Variants in PCCA observed in about 807,000 individuals in gnomAD.
PCCA encodes the protein propionyl-CoA carboxylase alpha chain, mitochondrial.
PCCA carries 74 observed loss-of-function variants against 101.3 expected under a neutral mutation model. The ratio of observed to expected loss-of-function variants is 0.73; its 90% confidence interval spans 0.61 to 0.89. PCCA has a LOEUF of 0.89. PCCA is among the 40% of genes least tolerant of loss of function. PCCA has a pLI of 0.00. For missense variants in PCCA, 891 were observed against 907.0 expected (o/e 0.98, Z 0.23); for synonymous variants, 294 against 313.6 (o/e 0.94, Z 0.66).
chr13:100,137,980 G>A (rs1271443109), intron 4 of PCCA, among the ~76,000 whole-genome samples: 1 of 151,498 alleles, frequency 6.6e-6, no homozygotes, highest in African/African-American at 2.4e-5. Flanking sequence ...GTGGAGTCGT[G>A]GTCTCCCTAT....
chr13:100,458,419 GCGCGCACACACACACACACATA>G (rs1280346109), intron 21 of PCCA, among the ~76,000 whole-genome samples: 3,867 of 113,394 alleles, frequency 0.034, 150 homozygotes, highest in African/African-American at 0.089. Context: ...CCCCATCTCT[GCGCGCACACACACACACACATA>G]CACACACACA....
chr13:100,280,857 T>G (rs2064050437), intron 12 of PCCA, among the ~76,000 whole-genome samples: 1 of 152,144 alleles, frequency 6.6e-6, no homozygotes, highest in African/African-American at 2.4e-5. Flanking sequence ...GATCCTCTCT[T>G]TGTCTGGCAT....
In PCCA at chr13:100,328,612, G is replaced by A. The variant is rs1317830380; in HGVS notation, c.1430-1949G>A. On this transcript the variant is annotated intron_variant, in intron 16 of 23. Coordinates refer to ENST00000376285, the MANE Select transcript of PCCA (RefSeq NM_000282.4). ...GATTTTTTCCTCCATATTTTCTACT[G>A]TAGTTATGAAAATAGGTTTGTGATT... Among the ~76,000 whole-genome samples, 3 of 148,500 alleles carry A rather than the reference G, an allele frequency of 2.0e-5. No homozygotes were observed. In the South Asian group the frequency reaches 6.4e-4, roughly 32 times the overall value.
intron 21 of PCCA, among the ~76,000 whole-genome samples, chr13:100,496,642 C>A (rs1417109005): frequency 6.6e-6 from 1 of 152,054 alleles, no homozygotes; most frequent in East Asian, 1.9e-4. Context: ...TTACTACTTT[C>A]CTTTTTCCAT....
At chr13:100,530,032 T>C in intron 23 of PCCA, 66 bp from the exon 24 acceptor site, 1 of 1,238,314 alleles carries the variant, frequency 8.1e-7, no homozygotes, top group Non-Finnish European at 1.2e-6. Flanking sequence ...ATTAGGAGCC[T>C]GCCGCCTCTT....
At chr13:100,337,795 A>G (rs943466486) in intron 17 of PCCA, among the ~76,000 whole-genome samples, 1 of 152,212 alleles carries the variant, frequency 6.6e-6, no homozygotes, top group African/African-American at 2.4e-5. Context: ...TGCTGATGGT[A>G]TATACGGTGC....
At chr13:100,231,438 G>A (rs1270270269) in intron 7 of PCCA, among the ~76,000 whole-genome samples, 3 of 152,072 alleles carry the variant, frequency 2.0e-5, no homozygotes, top group Non-Finnish European at 2.9e-5. Flanking sequence ...ATGCTTAGGC[G>A]GACAGGATCA....
At chr13:100,161,867 T>A (rs2054514373) in intron 6 of PCCA, among the ~76,000 whole-genome samples, 2 of 152,208 alleles carry the variant, frequency 1.3e-5, no homozygotes, top group African/African-American at 4.8e-5. Flanking sequence ...TAAATTTTCT[T>A]ATTAACATTA....
rs183322641 is a variant in PCCA at position 100,256,144 on chromosome 13, C to T, written c.638-1451C>T. ...TGCCTCAGCCTCTGAGTAGCTGGGA[C>T]TACAGACGCACACCACCACACCCAG... On this transcript the variant is annotated intron_variant, in intron 8 of 23. Coordinates refer to ENST00000376285, the MANE Select transcript of PCCA (RefSeq NM_000282.4). Among the ~76,000 whole-genome samples the T allele has an allele frequency of 4.6e-5, 7 of 152,166 alleles. No individual in the cohort carries two copies. The East Asian group carries it at 7.7e-4, about 17-fold the overall frequency.
chr13:100,281,022 GAA>G (rs919065284), intron 12 of PCCA, among the ~76,000 whole-genome samples: 1 of 150,782 alleles, frequency 6.6e-6, no homozygotes, highest in African/African-American at 2.4e-5. Flanking sequence ...AAAACAGAAG[GAA>G]AAAAAAATCC....
intron 21 of PCCA, among the ~76,000 whole-genome samples, chr13:100,512,862 G>A (rs992139329): frequency 2.0e-5 from 3 of 152,232 alleles, no homozygotes; most frequent in South Asian, 2.1e-4. Flanking sequence ...CGGTGAAACC[G>A]AGCTTGTACC....
At chr13:100,527,095 G>C (rs2087899027) in intron 22 of PCCA, among the ~76,000 whole-genome samples, 1 of 151,976 alleles carries the variant, frequency 6.6e-6, no homozygotes. Flanking sequence ...TGTATATTTG[G>C]TGGTGGTTTT....
chr13:100,157,936 A>C (rs1182736812), intron 6 of PCCA, among the ~76,000 whole-genome samples: 2 of 152,216 alleles, frequency 1.3e-5, no homozygotes, highest in Non-Finnish European at 2.9e-5. Context: ...AATTTATTCT[A>C]ATATGTTATA....
chr13:100,400,068 G>T (rs1231714172), intron 19 of PCCA, among the ~76,000 whole-genome samples: 2 of 152,214 alleles, frequency 1.3e-5, no homozygotes. Flanking sequence ...ACAAAAGGAC[G>T]ACTGGGACTT....
chr13:100,453,399 G>A (rs772700030), intron 21 of PCCA, among the ~76,000 whole-genome samples: 1 of 152,192 alleles, frequency 6.6e-6, no homozygotes, highest in East Asian at 1.9e-4. Flanking sequence ...TACTACAGGA[G>A]GCTGAGGCAG....
At chr13:100,527,819 T>C in intron 23 of PCCA, 67 bp downstream of exon 23, 1 of 1,197,832 alleles carries the variant, frequency 8.3e-7, no homozygotes. Flanking sequence ...CTTTGAATCG[T>C]GGGTGGTTTG....
intron 16 of PCCA, among the ~76,000 whole-genome samples, chr13:100,323,355 T>C (rs2068278604): frequency 6.6e-6 from 1 of 151,552 alleles, no homozygotes; most frequent in South Asian, 2.1e-4. Flanking sequence ...AGAGTCTCAC[T>C]CTGTCACCCA....
At chr13:100,157,245 A>G in intron 5 of PCCA, 42 bp from the exon 6 acceptor site, 1 of 1,400,590 alleles carries the variant, frequency 7.1e-7, no homozygotes, top group Non-Finnish European at 1.0e-6. Context: ...AAGCTTTTGC[A>G]ATATGATAAA....
intron 19 of PCCA, among the ~76,000 whole-genome samples, chr13:100,378,211 C>T (rs780687981): frequency 1.3e-5 from 2 of 152,144 alleles, no homozygotes; most frequent in Non-Finnish European, 2.9e-5. Context: ...GGGTATAGTA[C>T]CACTGAGTGG....
Sources: gnomAD v4.1 joint callset for allele counts (sites outside exome capture counted in the v4.1 genomes callset) on GRCh38, gnomAD v4.1.1 for gene constraint, MANE v1.5 for transcripts, NCBI Gene and HGNC (gene_info 2026-07-23, HGNC 2026-07-21) for gene names.